The following TCF7L1 variants were observed in gnomAD, a reference collection of about 807,000 sequenced individuals.
The protein encoded by TCF7L1 is transcription factor 7 like 1, also known as transcription factor 7-like 1.
A neutral mutation model predicts 63.7 loss-of-function variants in TCF7L1; 18 were observed. The observed-to-expected ratio is 0.28, with a 90% CI of 0.20 to 0.42. The LOEUF is 0.42. TCF7L1 is among the 10% of genes least tolerant of loss of function. TCF7L1 has a pLI of 1.00. For missense variants in TCF7L1, 654 were observed against 779.3 expected (o/e 0.84, Z 1.91); for synonymous variants, 355 against 340.9 (o/e 1.04, Z -0.46).
chr2:85,234,131 C>CTTTTTTTTTTTTTTTTTTTTT lies in TCF7L1; in HGVS notation c.442-49362_442-49342dup, dbSNP rs35508338. 2.1e-3 allele frequency among the ~76,000 whole-genome samples: 139 copies of CTTTTTTTTTTTTTTTTTTTTT among 65,210 alleles called. 1 individual carries two copies. Among genetic ancestry groups the CTTTTTTTTTTTTTTTTTTTTT allele is most frequent in the African/African-American group, 5.1e-3 (66 of 12,846 alleles). The allele number at this position is 65,210 out of a possible 152,430, so 42.8% of individuals were successfully genotyped here. On this transcript the variant is annotated intron_variant, in intron 3 of 11. Coordinates refer to ENST00000282111, the MANE Select transcript of TCF7L1 (RefSeq NM_031283.3). ...TTTCATTTCTTTTCTTTTTTCTTTT[C>CTTTTTTTTTTTTTTTTTTTTT]TTTTTTTTTTTTTTTTTTTTTTCGA...
At chr2:85,189,539 T>C (rs1679000062) in intron 3 of TCF7L1, among the ~76,000 whole-genome samples, 1 of 152,254 alleles carries the variant, frequency 6.6e-6, no homozygotes, top group African/African-American at 2.4e-5. Context: ...CATCCTCTGC[T>C]GCTGTTACCA....
chr2:85,234,891 G>A, intron 3 of TCF7L1, among the ~76,000 whole-genome samples: 1 of 152,176 alleles, frequency 6.6e-6, no homozygotes, highest in East Asian at 1.9e-4. Flanking sequence ...GAGGGTTGCT[G>A]GGGATGGGCC....
chr2:85,205,801 G>A (rs149370705), intron 3 of TCF7L1, among the ~76,000 whole-genome samples: 6 of 152,298 alleles, frequency 3.9e-5, no homozygotes, highest in African/African-American at 1.2e-4. Flanking sequence ...GATTACAGGC[G>A]TGAGCCGCTG....
intron 3 of TCF7L1, among the ~76,000 whole-genome samples, chr2:85,229,088 T>C (rs1428468527): frequency 6.6e-6 from 1 of 151,440 alleles, no homozygotes; most frequent in African/African-American, 2.4e-5. Context: ...GGCTCACGCC[T>C]GTAATCCCAG....
intron 3 of TCF7L1, among the ~76,000 whole-genome samples, chr2:85,193,526 A>G (rs1558629878): frequency 6.6e-6 from 1 of 152,184 alleles, no homozygotes; most frequent in Admixed American, 6.5e-5. Context: ...GTCTATATTT[A>G]AAAATAAATA....
chr2:85,191,825 CA>C (rs758489919), intron 3 of TCF7L1, among the ~76,000 whole-genome samples: 1,436 of 91,216 alleles, frequency 0.016, 5 homozygotes, highest in Admixed American at 0.017. Context: ...AACTCCATCT[CA>C]AAAAAAAAAA....
At chr2:85,144,935 AT>A (rs1677843547) in intron 3 of TCF7L1, among the ~76,000 whole-genome samples, 3 of 151,896 alleles carry the variant, frequency 2.0e-5, no homozygotes, top group African/African-American at 7.2e-5. Flanking sequence ...AATACAAAAA[AT>A]TAGCTGGGTG....
chr2:85,170,631 T>G (rs569824400), intron 3 of TCF7L1, among the ~76,000 whole-genome samples: 25 of 152,284 alleles, frequency 1.6e-4, no homozygotes, highest in East Asian at 1.5e-3. Context: ...TCTCTCTCGC[T>G]CTCTCTCTTT....
chr2:85,144,378 C>T (rs1026144834), intron 3 of TCF7L1, among the ~76,000 whole-genome samples: 3 of 139,234 alleles, frequency 2.2e-5, no homozygotes, highest in Admixed American at 7.8e-5. Context: ...CTCAGGAGTT[C>T]GAGACCAGCC....
chr2:85,303,622 G>A (rs570913363), intron 5 of TCF7L1: 4 of 349,122 alleles, frequency 1.1e-5, no homozygotes, highest in African/African-American at 2.1e-5. Context: ...CCAGGACGCT[G>A]GCTTCTGTAT....
chr2:85,251,936 G>C (rs1020822044), intron 3 of TCF7L1, among the ~76,000 whole-genome samples: 2 of 152,122 alleles, frequency 1.3e-5, no homozygotes, highest in Non-Finnish European at 2.9e-5. Context: ...TTAGCCAGGC[G>C]TGGTGGCACG....
chr2:85,283,923 G>A (rs1017616644), intron 4 of TCF7L1, among the ~76,000 whole-genome samples: 3 of 152,264 alleles, frequency 2.0e-5, no homozygotes, highest in South Asian at 2.1e-4. Context: ...TCTCTGTCCT[G>A]TTGAGGCTTA....
At chr2:85,203,449 A>G (rs1340195157) in intron 3 of TCF7L1, among the ~76,000 whole-genome samples, 1 of 152,200 alleles carries the variant, frequency 6.6e-6, no homozygotes, top group Non-Finnish European at 1.5e-5. Flanking sequence ...TATTCCAATC[A>G]GACATGGTGG....
chr2:85,264,492 A>G (rs1680924627), intron 3 of TCF7L1, among the ~76,000 whole-genome samples: 1 of 152,122 alleles, frequency 6.6e-6, no homozygotes, highest in South Asian at 2.1e-4. Flanking sequence ...GAAGTGGCAA[A>G]GATGTGGAAT....
intron 3 of TCF7L1, among the ~76,000 whole-genome samples, chr2:85,142,577 A>T (rs971402342): frequency 1.3e-5 from 2 of 151,800 alleles, no homozygotes; most frequent in African/African-American, 2.4e-5. Flanking sequence ...GTAACTGGGG[A>T]TGGGGAAGTA....
At chr2:85,238,676 A>C (rs1367354010) in intron 3 of TCF7L1, among the ~76,000 whole-genome samples, 1 of 152,174 alleles carries the variant, frequency 6.6e-6, no homozygotes, top group Non-Finnish European at 1.5e-5. Flanking sequence ...GGAAACACCC[A>C]GACAGTAATG....
chr2:85,156,443 G>A (rs1412974889), intron 3 of TCF7L1, among the ~76,000 whole-genome samples: 1 of 152,196 alleles, frequency 6.6e-6, no homozygotes, highest in Non-Finnish European at 1.5e-5. Context: ...GAATCCCCCT[G>A]TGTTCGTCTC....
chr2:85,255,898 G>A (rs1181583750), intron 3 of TCF7L1, among the ~76,000 whole-genome samples: 2 of 152,214 alleles, frequency 1.3e-5, no homozygotes, highest in African/African-American at 2.4e-5. Flanking sequence ...ACTGGGCTCA[G>A]TGTCTGTAGC....
chr2:85,289,077 T>A (rs1163607157), intron 4 of TCF7L1, among the ~76,000 whole-genome samples: 1 of 152,218 alleles, frequency 6.6e-6, no homozygotes, highest in Non-Finnish European at 1.5e-5. Flanking sequence ...CAGAACTGTT[T>A]TTTAATTTTA....
Sources: gnomAD v4.1 joint callset for allele counts (sites outside exome capture counted in the v4.1 genomes callset) on GRCh38, gnomAD v4.1.1 for gene constraint, MANE v1.5 for transcripts, NCBI Gene and HGNC (gene_info 2026-07-23, HGNC 2026-07-21) for gene names.